NPIPA5: variants seen among roughly 807,000 people sequenced by gnomAD.
NPIPA5 encodes the protein nuclear pore complex interacting protein family member A5.
NPIPA5 carries 6 observed loss-of-function variants against 21.4 expected under a neutral mutation model. That is an observed-to-expected ratio of 0.28 (90% CI 0.15 to 0.55). The LOEUF (loss-of-function observed/expected upper bound fraction) is 0.55. Among genes scored for constraint, NPIPA5 ranks in the 20% least tolerant of loss-of-function variants. The pLI is 0.93. For synonymous variants in NPIPA5, 33 were observed against 115.3 expected (o/e 0.29, Z 4.57); for missense variants, 99 against 318.2 (o/e 0.31, Z 5.24).
intron 2 of NPIPA5, among the ~76,000 whole-genome samples, chr16:15,370,962 G>A (rs1407051822): frequency 8.0e-6 from 1 of 125,572 alleles, no homozygotes; most frequent in Non-Finnish European, 1.7e-5. Flanking sequence ...CAGGAGAACT[G>A]CTTGAACCCA....
At chr16:15,379,200 T>G (rs1423530406), upstream of NPIPA5, among the ~76,000 whole-genome samples, 3 of 152,190 alleles carry the variant, frequency 2.0e-5, no homozygotes, top group Admixed American at 6.5e-5. Flanking sequence ...ACAGGAAATA[T>G]TCTATTGATG....
At chr16:15,370,530 A>T (rs1474023052) in intron 2 of NPIPA5, among the ~76,000 whole-genome samples, 11 of 145,538 alleles carry the variant, frequency 7.6e-5, no homozygotes, top group African/African-American at 1.7e-4. Context: ...GGCAGGCGGA[A>T]CACCTGAGGT....
intron 1 of NPIPA5, among the ~76,000 whole-genome samples, chr16:15,374,355 T>G (rs1050434518): frequency 5.9e-5 from 9 of 151,392 alleles, no homozygotes; most frequent in African/African-American, 2.2e-4. Flanking sequence ...TCTGCCACCA[T>G]GCCTGACTAA....
chr16:15,370,727 G>A (rs1177601689), intron 2 of NPIPA5, among the ~76,000 whole-genome samples: 1 of 139,148 alleles, frequency 7.2e-6, no homozygotes, highest in Non-Finnish European at 1.5e-5. Flanking sequence ...CTCCAACATG[G>A]GCAACAAAAT....
upstream of NPIPA5, chr16:15,380,996 C>T (rs202013801): frequency 6.6e-7 from 1 of 1,509,096 alleles, no homozygotes; most frequent in South Asian, 1.2e-5. Flanking sequence ...GTGAGCTGGC[C>T]CTGGTCATGG....
intron 2 of NPIPA5, among the ~76,000 whole-genome samples, chr16:15,371,368 C>A (rs1169582260): frequency 6.8e-6 from 1 of 146,346 alleles, no homozygotes; most frequent in East Asian, 2.2e-4. Context: ...GATTGAATTC[C>A]CACCAAGATT....
intron 2 of NPIPA5, among the ~76,000 whole-genome samples, chr16:15,372,103 C>G (rs185100620): frequency 6.7e-6 from 1 of 148,786 alleles, no homozygotes; most frequent in Non-Finnish European, 1.5e-5. Context: ...GACTAGATGA[C>G]AAGGACAAAG....
At chr16:15,370,422 T>TCACACACACACACA (rs576379543) in intron 2 of NPIPA5, among the ~76,000 whole-genome samples, 1 of 118,392 alleles carries the variant, frequency 8.4e-6, no homozygotes, top group African/African-American at 3.0e-5. Context: ...TGAGACTCTG[T>TCACACACACACACA]CACACACACA....
chr16:15,376,100 T>C (rs1200567485), intron 1 of NPIPA5, among the ~76,000 whole-genome samples: 3 of 152,196 alleles, frequency 2.0e-5, no homozygotes, highest in South Asian at 2.1e-4. Context: ...TTGAGCAGAA[T>C]AAAGCAGACA....
chr16:15,366,734 C>T lies in NPIPA5; in HGVS notation c.464G>A (p.Arg155His), dbSNP rs1310460311. ...CTGCCTCTCCTTTTCTCCGTGCTCA[C>T]GTTCTTTCATGCTTAGTTTCCTCAG... ...EHLRKLSMKE[R>H]EHGEKERQVS... Residue 155 changes from arginine (R) to histidine (H), a missense_variant, in exon 5 of 8, where the codon CGT becomes CAT. By Grantham distance (29) the Arg-to-His change is conservative. Transcript: ENST00000360151. 18 of 1,529,734 alleles carry T rather than the reference C, an allele frequency of 1.2e-5. No individual in the cohort carries two copies. Among genetic ancestry groups the T allele is most frequent in the East Asian group, 7.2e-5 (3 of 41,410 alleles). The allele number at this position is 1,529,734 out of a possible 1,614,324, so 94.8% of individuals were successfully genotyped here. A position where few individuals can be genotyped will look rare whatever the true frequency, so the allele number is the denominator to read the frequency against.
intron 2 of NPIPA5, among the ~76,000 whole-genome samples, chr16:15,370,654 G>C (rs887541584): frequency 1.4e-5 from 2 of 141,974 alleles, no homozygotes; most frequent in Non-Finnish European, 3.1e-5. Context: ...GGGAGGCTGA[G>C]GCAGGAGAAT....
chr16:15,380,387 A>G (rs1227178616), upstream of NPIPA5, among the ~76,000 whole-genome samples: 4 of 150,804 alleles, frequency 2.7e-5, no homozygotes, highest in Non-Finnish European at 1.5e-5. Flanking sequence ...CAATGGCGTG[A>G]TCTCGGCCCA....
At chr16:15,366,858 T>C in intron 4 of NPIPA5, 98 bp from the exon 5 acceptor site, 1 of 1,519,506 alleles carries the variant, frequency 6.6e-7, no homozygotes, top group Non-Finnish European at 8.8e-7. Context: ...AGATCCCCCC[T>C]GCAACCTTCC....
chr16:15,374,357 C>A (rs1282090142), intron 1 of NPIPA5, among the ~76,000 whole-genome samples: 14 of 151,740 alleles, frequency 9.2e-5, no homozygotes, highest in Non-Finnish European at 1.2e-4. Flanking sequence ...TGCCACCATG[C>A]CTGACTAATT....
At chr16:15,368,519 C>A (rs1033795694) in intron 4 of NPIPA5, among the ~76,000 whole-genome samples, 2 of 151,514 alleles carry the variant, frequency 1.3e-5, no homozygotes, top group Non-Finnish European at 2.9e-5. Flanking sequence ...GTAATATGAC[C>A]AAAACATGAA....
At chr16:15,380,410 C>T (rs1030617071), upstream of NPIPA5, among the ~76,000 whole-genome samples, 3 of 151,840 alleles carry the variant, frequency 2.0e-5, no homozygotes, top group Admixed American at 1.3e-4. Flanking sequence ...AAAACCTCCA[C>T]CTCCTGAATT....
At chr16:15,372,367 C>G (rs1213283541) in intron 2 of NPIPA5, among the ~76,000 whole-genome samples, 1 of 147,832 alleles carries the variant, frequency 6.8e-6, no homozygotes, top group Non-Finnish European at 1.5e-5. Context: ...CACCTGTAAT[C>G]CCAGCTACTT....
At chr16:15,379,981 GTGTC>G (rs1289459134), upstream of NPIPA5, among the ~76,000 whole-genome samples, 1 of 148,074 alleles carries the variant, frequency 6.8e-6, no homozygotes, top group Non-Finnish European at 1.5e-5. Flanking sequence ...GTGTGTGTGT[GTGTC>G]TGTGTGTGTG....
intron 2 of NPIPA5, among the ~76,000 whole-genome samples, 190 bp from the exon 3 acceptor site, chr16:15,370,309 C>A (rs1418129811): frequency 6.9e-6 from 1 of 145,156 alleles, no homozygotes; most frequent in Non-Finnish European, 1.5e-5. Context: ...CGCCTGTAAT[C>A]CAAGCTACTC....
Sources: allele counts gnomAD v4.1 joint callset (sites outside exome capture counted in the v4.1 genomes callset), GRCh38; gene constraint gnomAD v4.1.1; transcripts MANE v1.5; gene names NCBI Gene and HGNC (gene_info 2026-07-23, HGNC 2026-07-21).